The following CCDC150 variants were observed in gnomAD, a reference collection of about 807,000 sequenced individuals.
The protein encoded by CCDC150 is coiled-coil domain containing 150.
Under a neutral mutation model 156.5 loss-of-function variants are expected in CCDC150, and 151 were observed. That is an observed-to-expected ratio of 0.97 (90% CI 0.85 to 1.10). The LOEUF (loss-of-function observed/expected upper bound fraction) is 1.10, where lower values mean the gene tolerates loss of function less well. Ranked by LOEUF, CCDC150 falls within the 50% of genes least tolerant of loss-of-function variation. The pLI, the probability that CCDC150 is intolerant of heterozygous loss-of-function variation, is 0.00. For synonymous variants in CCDC150, 452 were observed against 429.4 expected (o/e 1.05, Z -0.65); for missense variants, 1,312 against 1,268.1 (o/e 1.03, Z -0.53).
chr2:196,705,021 A>G (rs550640170), intron 15 of CCDC150, among the ~76,000 whole-genome samples: 1 of 152,298 alleles, frequency 6.6e-6, no homozygotes, highest in Non-Finnish European at 1.5e-5. Context: ...ATACATGTGC[A>G]TGTGTCTTTA....
Position 196,656,938 on chromosome 2 carries a change from C to A in CCDC150, c.398-20C>A, listed in dbSNP as rs1258556295. 3 of 1,612,260 alleles carry A rather than the reference C, an allele frequency of 1.9e-6. No homozygotes were observed. Among genetic ancestry groups the A allele is most frequent in the African/African-American group, 1.3e-5 (1 of 74,818 alleles). On this transcript the variant is annotated intron_variant, in intron 3 of 27. Coordinates refer to ENST00000389175, the MANE Select transcript of CCDC150 (RefSeq NM_001080539.2). ...GACCTTCTTTCTGCTGCTTGATGCCCCTCCTGTGCGGTCTGGTAGCTTTTC... is the reference window on the plus strand; with the variant it reads ...GACCTTCTTTCTGCTGCTTGATGCCACTCCTGTGCGGTCTGGTAGCTTTTC...
intron 5 of CCDC150, among the ~76,000 whole-genome samples, chr2:196,660,741 CT>C (rs1228178688): frequency 6.6e-6 from 1 of 152,168 alleles, no homozygotes; most frequent in Non-Finnish European, 1.5e-5. Flanking sequence ...TTATTTTCCC[CT>C]GCTCTATAGC....
intron 13 of CCDC150, among the ~76,000 whole-genome samples, chr2:196,682,220 C>T (rs1218285729): frequency 6.6e-6 from 1 of 151,926 alleles, no homozygotes; most frequent in Non-Finnish European, 1.5e-5. Context: ...ATCATTCATT[C>T]TTTCTATGGA....
chr2:196,659,734 T>TG (rs914730403), intron 5 of CCDC150, among the ~76,000 whole-genome samples: 15 of 152,326 alleles, frequency 9.8e-5, no homozygotes, highest in African/African-American at 3.6e-4. Context: ...CACAGAGTCC[T>TG]GTATACCCCT....
chr2:196,703,687 A>G (rs1341764013), intron 15 of CCDC150, among the ~76,000 whole-genome samples: 4 of 152,222 alleles, frequency 2.6e-5, no homozygotes, highest in Non-Finnish European at 5.9e-5. Context: ...TATGAAATAT[A>G]TAAGACAAAT....
At chr2:196,701,308 TAA>T (rs1327726450) in intron 15 of CCDC150, 128 bp downstream of exon 15, 3 of 683,314 alleles carry the variant, frequency 4.4e-6, no homozygotes, top group Non-Finnish European at 7.2e-6. Flanking sequence ...TGAACATCCT[TAA>T]GTTTGTGGCC....
At chr2:196,726,181 T>G in intron 22 of CCDC150, 82 bp downstream of exon 22, 1 of 1,501,686 alleles carries the variant, frequency 6.7e-7, no homozygotes, top group Non-Finnish European at 9.1e-7. Context: ...TGGCTACAGT[T>G]GTTCTTTGAC....
rs769204907 is a variant in CCDC150, at chr2:196,718,564, C to T, written c.1928C>T (p.Ala643Val). 1.4e-5 allele frequency: 22 copies of T among 1,613,384 alleles called. No homozygotes were observed. The East Asian group carries it at 2.5e-4, about 18-fold the overall frequency. Residue 643 changes from alanine (A) to valine (V), a missense_variant, in exon 18 of 28, where the codon GCG (alanine) becomes GTG (valine). Transcript: ENST00000389175. ...ELSRTVKCRN[A>V]ALKESQKLKE... is the part of the protein sequence containing the mutation. ...TCCCGAACAGTGAAGTGTCGTAATG[C>T]GGCCCTGAAAGAGAGTCAGAAGTTG...
intron 1 of CCDC150, among the ~76,000 whole-genome samples, chr2:196,639,998 G>T (rs1692116423): frequency 6.6e-6 from 1 of 152,188 alleles, no homozygotes; most frequent in African/African-American, 2.4e-5. Context: ...TCCAGCTGAG[G>T]GATGGGAGAT....
intron 27 of CCDC150, 123 bp downstream of exon 27, chr2:196,732,275 T>TG (rs1698561998): frequency 8.0e-7 from 1 of 1,250,462 alleles, no homozygotes; most frequent in Non-Finnish European, 1.1e-6. Flanking sequence ...TTTAGACTAA[T>TG]GCTAGGAAAC....
chr2:196,698,796 C>T (rs1006092155), intron 14 of CCDC150, among the ~76,000 whole-genome samples: 13 of 152,156 alleles, frequency 8.5e-5, no homozygotes, highest in African/African-American at 2.9e-4. Flanking sequence ...CCCATTAACT[C>T]GTCGTTTAAC....
At chr2:196,658,732 A>G (rs1401176351) in intron 4 of CCDC150, 60 bp from the exon 5 acceptor site, 5 of 1,273,534 alleles carry the variant, frequency 3.9e-6, no homozygotes, top group African/African-American at 3.0e-5. Flanking sequence ...TGATATACCT[A>G]TAGACAATTT....
intron 4 of CCDC150, chr2:196,657,371 A>T: frequency 2.3e-6 from 1 of 437,004 alleles, no homozygotes; most frequent in Non-Finnish European, 4.2e-6. Flanking sequence ...CATACAAGTG[A>T]TGGTGTGGGT....
At chr2:196,676,770 T>A in intron 12 of CCDC150, 39 bp downstream of exon 12, 1 of 1,507,912 alleles carries the variant, frequency 6.6e-7, no homozygotes, top group Non-Finnish European at 9.1e-7. Flanking sequence ...CTCATTGTGG[T>A]GTGATGATGT....
intron 7 of CCDC150, among the ~76,000 whole-genome samples, chr2:196,668,339 C>CACTG (rs994940722): frequency 5.4e-5 from 8 of 149,092 alleles, no homozygotes; most frequent in African/African-American, 1.7e-4. Context: ...AAAGGATCCA[C>CACTG]ACTGACTGTA....
intron 8 of CCDC150, 90 bp from the exon 9 acceptor site, chr2:196,672,255 G>A (rs567936623): frequency 9.6e-5 from 50 of 522,842 alleles, no homozygotes; most frequent in African/African-American, 9.5e-4. Context: ...ACTTGAACTT[G>A]TACTGGCCGA....
At chr2:196,658,700 C>A in intron 4 of CCDC150, 92 bp from the exon 5 acceptor site, 1 of 858,976 alleles carries the variant, frequency 1.2e-6, no homozygotes, top group Non-Finnish European at 1.8e-6. Context: ...TATAGGTTGC[C>A]AGAAAAAAAC....
At chr2:196,669,982 T>C in intron 8 of CCDC150, 106 bp downstream of exon 8, 1 of 711,144 alleles carries the variant, frequency 1.4e-6, no homozygotes. Flanking sequence ...CATCAAAGTT[T>C]TATTTAAAAA....
intron 13 of CCDC150, 153 bp from the exon 14 acceptor site, chr2:196,694,893 A>C: frequency 2.1e-6 from 1 of 482,610 alleles, no homozygotes; most frequent in South Asian, 3.4e-5. Context: ...TCATAGAGCT[A>C]TCAGACTGAC....
Sources: allele counts gnomAD v4.1 joint callset (sites outside exome capture counted in the v4.1 genomes callset), GRCh38; gene constraint gnomAD v4.1.1; transcripts MANE v1.5; gene names NCBI Gene and HGNC (gene_info 2026-07-23, HGNC 2026-07-21).